MAGI1: variants seen among roughly 807,000 people sequenced by gnomAD.
The protein encoded by MAGI1 is membrane-associated guanylate kinase, WW and PDZ domain-containing protein 1.
In MAGI1, 58 loss-of-function variants were observed where a neutral mutation model predicts 139.9. That is an observed-to-expected ratio of 0.41 (90% CI 0.34 to 0.52). The LOEUF is 0.52. Ranked by LOEUF, MAGI1 falls within the 20% of genes least tolerant of loss-of-function variation. MAGI1 has a pLI of 0.12. For missense variants in MAGI1, 1,874 were observed against 1,901.6 expected, an observed-to-expected ratio of 0.99 and a Z score of 0.27; for synonymous variants, 812 against 737.9, an observed-to-expected ratio of 1.10 and a Z score of -1.63.
chr3:65,839,953 T>C (rs1275421954), intron 1 of MAGI1, among the ~76,000 whole-genome samples: 1 of 152,236 alleles, frequency 6.6e-6, no homozygotes, highest in Non-Finnish European at 1.5e-5. Context: ...TAGCACTTTA[T>C]AGTTGTCACC....
intron 1 of MAGI1, among the ~76,000 whole-genome samples, chr3:65,805,854 G>T (rs533297136): frequency 6.6e-6 from 1 of 152,084 alleles, no homozygotes; most frequent in African/African-American, 2.4e-5. Flanking sequence ...ACTAAACACC[G>T]CATGTTCTCA....
intron 14 of MAGI1, chr3:65,387,164 T>G (rs1943516623): frequency 6.2e-7 from 1 of 1,614,042 alleles, no homozygotes; most frequent in Non-Finnish European, 8.5e-7. Flanking sequence ...CCAAAATTCG[T>G]GGAATTGATT....
intron 12 of MAGI1, among the ~76,000 whole-genome samples, chr3:65,409,008 G>A (rs1945569632): frequency 6.6e-6 from 1 of 152,196 alleles, no homozygotes; most frequent in African/African-American, 2.4e-5. Flanking sequence ...AATGGAACAG[G>A]CTGTGCCGGG....
At chr3:65,395,372 TG>T (rs1944296599) in intron 13 of MAGI1, among the ~76,000 whole-genome samples, 1 of 151,894 alleles carries the variant, frequency 6.6e-6, no homozygotes, top group South Asian at 2.1e-4. Context: ...CTGGGCATGA[TG>T]GCTCACACAT....
At chr3:65,463,966 G>A (rs1309406923) in intron 5 of MAGI1, among the ~76,000 whole-genome samples, 3 of 152,070 alleles carry the variant, frequency 2.0e-5, no homozygotes, top group Non-Finnish European at 4.4e-5. Context: ...TAGGATCAGT[G>A]GTGATATCCC....
chr3:65,688,066 A>T, intron 1 of MAGI1: 1 of 763,658 alleles, frequency 1.3e-6, no homozygotes, highest in Non-Finnish European at 2.3e-6. Flanking sequence ...TGCTGTGATA[A>T]CCCCAACAGA....
intron 1 of MAGI1, among the ~76,000 whole-genome samples, chr3:65,881,134 C>A (rs1459478093): frequency 6.6e-6 from 1 of 152,104 alleles, no homozygotes; most frequent in Non-Finnish European, 1.5e-5. Flanking sequence ...GATCCACCTG[C>A]CTCAGCCTCC....
At chr3:65,468,231 T>C (rs927717828) in intron 5 of MAGI1, among the ~76,000 whole-genome samples, 2 of 152,146 alleles carry the variant, frequency 1.3e-5, no homozygotes, top group Non-Finnish European at 1.5e-5. Context: ...CTTTTATCCT[T>C]ATCTTTAAAA....
chr3:65,815,870 T>C (rs2108224466), intron 1 of MAGI1, among the ~76,000 whole-genome samples: 1 of 152,220 alleles, frequency 6.6e-6, no homozygotes, highest in South Asian at 2.1e-4. Flanking sequence ...CAAAAGCTAC[T>C]CAGCTAGTAA....
intron 5 of MAGI1, among the ~76,000 whole-genome samples, chr3:65,467,467 T>A (rs1489867415): frequency 6.6e-6 from 1 of 152,216 alleles, no homozygotes; most frequent in African/African-American, 2.4e-5. Flanking sequence ...ATGTATCTAA[T>A]CACTTAATAT....
At chr3:65,520,201 A>C (rs887535432) in intron 2 of MAGI1, among the ~76,000 whole-genome samples, 1 of 152,194 alleles carries the variant, frequency 6.6e-6, no homozygotes, top group African/African-American at 2.4e-5. Flanking sequence ...TATGCAAAAT[A>C]AATGCTTATT....
chr3:65,765,371 C>T (rs780525588), intron 1 of MAGI1, among the ~76,000 whole-genome samples: 10 of 152,188 alleles, frequency 6.6e-5, no homozygotes, highest in African/African-American at 1.4e-4. Context: ...GGTTGTGGCA[C>T]TGGCGGGACA....
chr3:65,419,221 T>TACAC lies in MAGI1; in HGVS notation c.2167+10295_2167+10298dup, dbSNP rs71102854. ...GGAAATACATTTTATAACACATTCA[T>TACAC]ACACACACACACACACACACACACA... On this transcript the variant is annotated intron_variant, in intron 12 of 22. Coordinates refer to ENST00000402939, the MANE Select transcript of MAGI1 (RefSeq NM_001033057.2). Among the ~76,000 whole-genome samples the TACAC allele has an allele frequency of 7.5e-3, 648 of 86,276 alleles. 2 individuals carry two copies. Among genetic ancestry groups the TACAC allele is most frequent in the Non-Finnish European group, 9.3e-3 (457 of 49,104 alleles). The allele number at this position is 86,276 out of a possible 152,430, so 56.6% of individuals were successfully genotyped here. A position where few individuals can be genotyped will look rare whatever the true frequency, so the allele number is the denominator to read the frequency against.
At chr3:65,693,489 T>C (rs1195181979) in intron 1 of MAGI1, among the ~76,000 whole-genome samples, 1 of 152,024 alleles carries the variant, frequency 6.6e-6, no homozygotes, top group Non-Finnish European at 1.5e-5. Context: ...GAAGGCCAAG[T>C]GAGATTCTAA....
chr3:65,813,337 A>G (rs1367593947), intron 1 of MAGI1, among the ~76,000 whole-genome samples: 1 of 152,178 alleles, frequency 6.6e-6, no homozygotes, highest in African/African-American at 2.4e-5. Context: ...GAAATCCTAC[A>G]GCATGGCAAA....
chr3:65,645,849 C>T (rs1234635537), intron 1 of MAGI1, among the ~76,000 whole-genome samples: 1 of 151,460 alleles, frequency 6.6e-6, no homozygotes, highest in African/African-American at 2.4e-5. Flanking sequence ...TTTTTACAGC[C>T]CTTTTAGTAT....
chr3:65,910,740 CT>C (rs773942226), intron 1 of MAGI1, among the ~76,000 whole-genome samples: 15 of 151,710 alleles, frequency 9.9e-5, no homozygotes, highest in Admixed American at 2.6e-4. Context: ...CAAAATACCT[CT>C]TTAATTTTAC....
At chr3:65,468,932 T>A (rs551585968) in intron 5 of MAGI1, among the ~76,000 whole-genome samples, 2 of 96,646 alleles carry the variant, frequency 2.1e-5, no homozygotes, top group African/African-American at 8.3e-5. Context: ...TGAGGCCCCA[T>A]CTCAGGAAGG....
chr3:65,899,385 C>T (rs1249870716), intron 1 of MAGI1, among the ~76,000 whole-genome samples: 1 of 152,162 alleles, frequency 6.6e-6, no homozygotes, highest in Non-Finnish European at 1.5e-5. Flanking sequence ...TTACTAATAA[C>T]ATGTCCCATT....
Sources: allele counts gnomAD v4.1 joint callset (sites outside exome capture counted in the v4.1 genomes callset), GRCh38; gene constraint gnomAD v4.1.1; transcripts MANE v1.5; gene names NCBI Gene and HGNC (gene_info 2026-07-23, HGNC 2026-07-21).